Variants in CXADR observed in about 807,000 individuals in gnomAD.
CXADR encodes CXADR cell adhesion molecule.
CXADR carries 20 observed loss-of-function variants against 40.3 expected under a neutral mutation model. The ratio of observed to expected loss-of-function variants is 0.50; its 90% CI spans 0.35 to 0.72. The LOEUF is 0.72. CXADR is among the 30% of genes least tolerant of loss of function. CXADR has a pLI of 0.01. For synonymous variants in CXADR, 150 were observed against 161.3 expected (o/e 0.93, Z 0.53); for missense variants, 332 against 449.1 (o/e 0.74, Z 2.36).
chr21:17,561,775 G>A (rs917314474), intron 6 of CXADR, among the ~76,000 whole-genome samples: 1 of 152,096 alleles, frequency 6.6e-6, no homozygotes, highest in African/African-American at 2.4e-5. Flanking sequence ...TGGTAGGGAT[G>A]AAGTAGATAT....
intron 1 of CXADR, among the ~76,000 whole-genome samples, chr21:17,539,391 A>T (rs925584594): frequency 6.6e-6 from 1 of 152,232 alleles, no homozygotes; most frequent in Non-Finnish European, 1.5e-5. Context: ...CTACAAGGAT[A>T]TCCCTATTAC....
chr21:17,631,766 A>T, the CXADR span, among the ~76,000 whole-genome samples: 3 of 152,186 alleles, frequency 2.0e-5, no homozygotes, highest in African/African-American at 7.2e-5. Flanking sequence ...ACTCTAAGCT[A>T]AAGACATTTA....
intron 2 of CXADR, among the ~76,000 whole-genome samples, chr21:17,547,617 GT>G (rs1350498323): frequency 2.0e-5 from 3 of 152,150 alleles, no homozygotes; most frequent in Admixed American, 6.6e-5. Context: ...AAATTTTTAA[GT>G]TTTACCCAAG....
chr21:17,565,428 G>A lies in CXADR; in HGVS notation c.834G>A (p.Arg278=). The change falls in exon 7 of 7, where the codon AGG becomes AGA. Residue 278 remains arginine, a splice_region_variant and synonymous_variant. Transcript: ENST00000284878. Reference sequence around the variant, plus strand: ...ATGTATTGGGGATTTTGCTTTGCAGGGAAGATGTGCCACCTCCAAAGAGCC... The same window carrying A: ...ATGTATTGGGGATTTTGCTTTGCAGAGAAGATGTGCCACCTCCAAAGAGCC... The part of the protein sequence containing the change: ...KYEKEVHHDI[R]EDVPPPKSRT... The A allele has an allele frequency of 6.2e-7, 1 of 1,613,438 alleles. No homozygotes were observed. The highest frequency in any genetic ancestry group is 8.5e-7 in the Non-Finnish European group (1 of 1,179,564).
intron 1 of CXADR, among the ~76,000 whole-genome samples, chr21:17,520,261 A>T (rs1313103062): frequency 6.6e-6 from 1 of 152,200 alleles, no homozygotes; most frequent in Non-Finnish European, 1.5e-5. Context: ...AGAATTTTCC[A>T]GTCAGATGGT....
chr21:17,582,125 GT>G (rs2061365415), intron 7 of CXADR, among the ~76,000 whole-genome samples: 2 of 166 alleles, frequency 0.012, no homozygotes, highest in Non-Finnish European at 0.029. Flanking sequence ...ATAGCTAGGA[GT>G]GGGAATCTAG....
chr21:17,634,926 C>A, the CXADR span, among the ~76,000 whole-genome samples: 4 of 152,044 alleles, frequency 2.6e-5, no homozygotes, highest in African/African-American at 7.2e-5. Context: ...GGGCTTAATG[C>A]CTTCTTTACT....
chr21:17,533,581 G>A (rs75243154), intron 1 of CXADR, among the ~76,000 whole-genome samples: 3,850 of 152,182 alleles, frequency 0.025, 172 homozygotes, highest in African/African-American at 0.089. Context: ...TGCAAAACAC[G>A]GATGCATAAT....
downstream of CXADR, among the ~76,000 whole-genome samples, chr21:17,573,923 A>T (rs369667493): frequency 0.14 from 21,819 of 152,192 alleles, 1,643 homozygotes; most frequent in East Asian, 0.21. Context: ...AAAATTCATA[A>T]TCTGAATTTG....
chr21:17,601,139 G>A, the CXADR span, among the ~76,000 whole-genome samples: 2 of 151,884 alleles, frequency 1.3e-5, no homozygotes, highest in East Asian at 1.9e-4. Context: ...CTCCAGCCTG[G>A]GCGACAGAGT....
chr21:17,559,668 GGTTTTT>G (rs1256727938), intron 4 of CXADR, among the ~76,000 whole-genome samples: 2 of 106,206 alleles, frequency 1.9e-5, no homozygotes, highest in Admixed American at 2.2e-4. Context: ...CTTTTTTTTG[GGTTTTT>G]TTTTTTTTTT....
the CXADR span, among the ~76,000 whole-genome samples, chr21:17,603,979 C>A: frequency 6.6e-6 from 1 of 152,170 alleles, no homozygotes; most frequent in Non-Finnish European, 1.5e-5. Context: ...TTTTTGAAAA[C>A]CCTACAACTG....
At position 17,561,395 on chromosome 21, in the gene CXADR, C is replaced by T. The variant is rs148881358; in HGVS notation, c.752C>T (p.Ala251Val). The T allele has an allele frequency of 6.0e-5, 96 of 1,611,236 alleles. 1 individual carries two copies. The African/African-American group carries it at 9.6e-4, about 16-fold the overall frequency. The change falls in exon 6 of 7, where the codon GCG (alanine) becomes GTG (valine). Residue 251 changes from alanine to valine, a missense_variant. Physicochemically the swap from Ala to Val is moderately conservative, Grantham distance 64 (BLOSUM62 0). Around this residue, in one of 3 missense-constraint regions of CXADR, gnomAD observed 150 missense variants for 194.2 expected, o/e 0.77. Coordinates refer to ENST00000284878, the MANE Select transcript of CXADR (RefSeq NM_001338.5). ...GAIIGTLLAL[A>V]LIGLIIFCCR... ...ATTATAGGAACTTTGCTTGCTCTAG[C>T]GCTCATTGGTCTTATCATCTTTTGC...
intron 1 of CXADR, among the ~76,000 whole-genome samples, chr21:17,522,483 A>G (rs562794979): frequency 4.6e-5 from 7 of 152,232 alleles, no homozygotes; most frequent in African/African-American, 1.7e-4. Flanking sequence ...TCTGGAAAAA[A>G]TAGCCTGCAT....
chr21:17,539,242 G>A (rs576800456), intron 1 of CXADR, among the ~76,000 whole-genome samples: 2 of 152,122 alleles, frequency 1.3e-5, no homozygotes, highest in Non-Finnish European at 2.9e-5. Flanking sequence ...GCTGCCACTG[G>A]TCCCCCTGCC....
the CXADR span, among the ~76,000 whole-genome samples, chr21:17,626,275 A>G: frequency 5.8e-4 from 88 of 152,380 alleles, 1 homozygote; most frequent in East Asian, 0.016. Flanking sequence ...TTTTAAAAAA[A>G]TAATTTTTGA....
chr21:17,634,282 G>A, the CXADR span, among the ~76,000 whole-genome samples: 1 of 152,162 alleles, frequency 6.6e-6, no homozygotes, highest in Non-Finnish European at 1.5e-5. Context: ...CCTACCTTGG[G>A]CAGAATAATG....
intron 6 of CXADR, among the ~76,000 whole-genome samples, chr21:17,562,230 G>T (rs35521454): frequency 0.18 from 27,375 of 152,218 alleles, 2,581 homozygotes; most frequent in East Asian, 0.23. Flanking sequence ...GGAAGGTCAT[G>T]CCTCACTGTT....
At chr21:17,561,580 A>G in intron 6 of CXADR, 104 bp downstream of exon 6, 1 of 1,010,932 alleles carries the variant, frequency 9.9e-7, no homozygotes, top group Non-Finnish European at 1.4e-6. Flanking sequence ...TCTTAGGAGA[A>G]TGGGTAAAAG....
Sources: gnomAD v4.1 joint callset for allele counts (sites outside exome capture counted in the v4.1 genomes callset) on GRCh38, gnomAD v4.1.1 for gene constraint, gnomAD v4.1.1 regional missense constraint, MANE v1.5 for transcripts, NCBI Gene and HGNC (gene_info 2026-07-23, HGNC 2026-07-21) for gene names.